PLCXD3: variants seen among roughly 807,000 people sequenced by gnomAD.
The protein encoded by PLCXD3 is PI-PLC X domain-containing protein 3.
Under a neutral mutation model 25.5 loss-of-function variants are expected in PLCXD3, and 19 were observed. The observed-to-expected ratio is 0.75, with a 90% CI of 0.52 to 1.09. The LOEUF is 1.09. Among genes scored for constraint, PLCXD3 ranks in the 50% least tolerant of loss-of-function variants. PLCXD3 has a pLI of 0.00. For synonymous variants in PLCXD3, 174 were observed against 137.6 expected (o/e 1.26, Z -1.85); for missense variants, 411 against 388.1 (o/e 1.06, Z -0.50).
At chr5:41,460,696 T>C (rs933249621) in intron 1 of PLCXD3, among the ~76,000 whole-genome samples, 3 of 152,030 alleles carry the variant, frequency 2.0e-5, no homozygotes, top group African/African-American at 7.2e-5. Flanking sequence ...TACAACGTCA[T>C]TATGAATTTA....
At chr5:41,473,944 C>T (rs1442774441) in intron 1 of PLCXD3, among the ~76,000 whole-genome samples, 1 of 152,150 alleles carries the variant, frequency 6.6e-6, no homozygotes, top group Non-Finnish European at 1.5e-5. Context: ...AAATTTCAAA[C>T]TAATCTACAA....
Position 41,480,168 on chromosome 5 carries a change from T to G in PLCXD3, c.103+30256A>C, listed in dbSNP as rs1304934704. Reference sequence around the variant, plus strand: ...AATAAAAATGATTTTTGCCCAAATATTAGCCAAGAAAAATGCCCTGAAAGC... The same window carrying G: ...AATAAAAATGATTTTTGCCCAAATAGTAGCCAAGAAAAATGCCCTGAAAGC... On this transcript the variant is annotated intron_variant, in intron 1 of 2. Transcript: ENST00000377801. Among the ~76,000 whole-genome samples the G allele has an allele frequency of 1.3e-5, 2 of 152,150 alleles. 1 individual carries two copies. Among genetic ancestry groups the G allele is most frequent in the South Asian group, 4.1e-4 (2 of 4,824 alleles).
intron 1 of PLCXD3, among the ~76,000 whole-genome samples, chr5:41,400,474 G>T (rs1013598180): frequency 1.3e-5 from 2 of 151,990 alleles, no homozygotes; most frequent in Non-Finnish European, 2.9e-5. Context: ...AAGAAAATAT[G>T]GTACATATAC....
intron 1 of PLCXD3, among the ~76,000 whole-genome samples, chr5:41,497,063 AGATACAAGAAAAGAAG>A (rs1355614771): frequency 1.3e-5 from 2 of 151,740 alleles, no homozygotes; most frequent in Non-Finnish European, 3.0e-5. Context: ...AATCTACAGA[AGATACAAGAAAAGAAG>A]AAAAAAAAAT....
rs1213955085 is a variant in PLCXD3 at position 41,382,001 on chromosome 5, G to C, written c.637C>G (p.Pro213Ala). ...VPFLWPGQMM[P>A]APWANTTDPE... ...TCTGTGGTGTTGGCCCAGGGTGCTGGCATCATCTGCCCAGGCCAGAGAAAG... is the reference window on the plus strand; with the variant it reads ...TCTGTGGTGTTGGCCCAGGGTGCTGCCATCATCTGCCCAGGCCAGAGAAAG... The change falls in exon 2 of 3, where the codon CCA (proline) becomes GCA (alanine). Residue 213 changes from proline to alanine, a missense_variant. Transcript: ENST00000377801. 6.2e-7 allele frequency: 1 copy of C among 1,613,370 alleles called. No individual in the cohort carries two copies. Among genetic ancestry groups the C allele is most frequent in the Non-Finnish European group, 8.5e-7 (1 of 1,179,748 alleles).
intron 2 of PLCXD3, among the ~76,000 whole-genome samples, chr5:41,377,066 T>G (rs1419899704): frequency 6.6e-6 from 1 of 152,108 alleles, no homozygotes; most frequent in Non-Finnish European, 1.5e-5. Context: ...CTAGAACAGA[T>G]TAGGCATTTA....
In PLCXD3 at chr5:41,399,065, A is replaced by G. The variant is rs76079737; in HGVS notation, c.104-16531T>C. ...CATTTCTACATGCCAACAGTGAACAATGGGAAAAGAAATAAAGTAATCCCA... is the reference window on the plus strand; with the variant it reads ...CATTTCTACATGCCAACAGTGAACAGTGGGAAAAGAAATAAAGTAATCCCA... On this transcript the variant is annotated intron_variant, in intron 1 of 2. Coordinates refer to ENST00000377801, the MANE Select transcript of PLCXD3 (RefSeq NM_001005473.3). 3.6e-3 allele frequency among the ~76,000 whole-genome samples: 552 copies of G among 152,322 alleles called. 1 individual carries two copies. The highest frequency in any genetic ancestry group is 0.012 in the African/African-American group (512 of 41,580).
rs547430235 is a variant in PLCXD3 at position 41,339,263 on chromosome 5, C to A, written c.813-25493G>T. Among the ~76,000 whole-genome samples the A allele has an allele frequency of 2.6e-5, 4 of 152,110 alleles. No individual in the cohort carries two copies. The South Asian group carries it at 8.3e-4, about 32-fold the overall frequency. On this transcript the variant is annotated intron_variant, in intron 2 of 2. Coordinates refer to ENST00000377801, the MANE Select transcript of PLCXD3 (RefSeq NM_001005473.3). The stretch of plus-strand genomic sequence containing the variant: ...TGCAAGAAAAGTCCTCAAGAGTGAT[C>A]CAAGGGTAGATAGTGGTCAGAAACT...
intron 1 of PLCXD3, among the ~76,000 whole-genome samples, chr5:41,446,100 A>ATGACG (rs1747490568): frequency 7.0e-6 from 1 of 142,958 alleles, no homozygotes; most frequent in Admixed American, 7.3e-5. Context: ...AGGCAGGAGA[A>ATGACG]TGACGTGAAC....
intron 1 of PLCXD3, among the ~76,000 whole-genome samples, chr5:41,426,913 T>G (rs1215093956): frequency 6.6e-6 from 1 of 152,172 alleles, no homozygotes; most frequent in African/African-American, 2.4e-5. Flanking sequence ...AATTCTAGAA[T>G]GACTATTATT....
intron 1 of PLCXD3, among the ~76,000 whole-genome samples, chr5:41,412,502 T>C (rs1746583094): frequency 6.6e-6 from 1 of 152,176 alleles, no homozygotes; most frequent in African/African-American, 2.4e-5. Flanking sequence ...TTTCTCAGAG[T>C]TGTGTACCTA....
At chr5:41,468,694 G>A (rs902440607) in intron 1 of PLCXD3, among the ~76,000 whole-genome samples, 8 of 151,980 alleles carry the variant, frequency 5.3e-5, no homozygotes, top group African/African-American at 1.9e-4. Context: ...ATATAGAAAT[G>A]CTATTTAGTT....
intron 1 of PLCXD3, among the ~76,000 whole-genome samples, chr5:41,476,220 A>C (rs1310845751): frequency 1.3e-5 from 2 of 152,278 alleles, no homozygotes; most frequent in South Asian, 2.1e-4. Flanking sequence ...ACTTTGGGAG[A>C]GTGGGCAGAA....
chr5:41,445,559 T>A (rs978900534), intron 1 of PLCXD3, among the ~76,000 whole-genome samples: 8 of 152,124 alleles, frequency 5.3e-5, no homozygotes, highest in Non-Finnish European at 1.0e-4. Context: ...ATCAGTGATA[T>A]AAGACTTCCA....
At chr5:41,397,032 A>G (rs1386452994) in intron 1 of PLCXD3, among the ~76,000 whole-genome samples, 2 of 152,236 alleles carry the variant, frequency 1.3e-5, no homozygotes, top group African/African-American at 4.8e-5. Context: ...AAAGTTTGGA[A>G]AATTTGCAGC....
intron 1 of PLCXD3, among the ~76,000 whole-genome samples, chr5:41,399,262 A>G (rs921174901): frequency 6.6e-6 from 1 of 152,228 alleles, no homozygotes. Flanking sequence ...GAAAATACCC[A>G]TATTACCAAA....
intron 2 of PLCXD3, among the ~76,000 whole-genome samples, chr5:41,354,577 T>C (rs1744565460): frequency 6.6e-6 from 1 of 152,166 alleles, no homozygotes; most frequent in Non-Finnish European, 1.5e-5. Flanking sequence ...AGTCATATGG[T>C]ATCTAAATTA....
In PLCXD3 at chr5:41,506,806, T is replaced by A. The variant is rs983543497; in HGVS notation, c.103+3618A>T. 2.0e-5 allele frequency among the ~76,000 whole-genome samples: 3 copies of A among 152,212 alleles called. No homozygotes were observed. In the East Asian group the frequency reaches 5.8e-4, roughly 29 times the overall value. The stretch of plus-strand genomic sequence containing the variant: ...AAATGAACAAAATTCACAGGCACAA[T>A]CATTGATTTATAAAGCGTTTCTGTG... On this transcript the variant is annotated intron_variant, in intron 1 of 2. Transcript: ENST00000377801.
Position 41,407,897 on chromosome 5 carries a change from T to G in PLCXD3, c.104-25363A>C, listed in dbSNP as rs138086645. On this transcript the variant is annotated intron_variant, in intron 1 of 2. Transcript: ENST00000377801. ...CTCAGTACATCTTACAGTGAGCTCA[T>G]GTAAAGAAAGTTGGTTTCCTTATTT... Among the ~76,000 whole-genome samples the G allele has an allele frequency of 3.7e-4, 57 of 152,324 alleles. No individual in the cohort carries two copies. In the East Asian group the frequency reaches 7.3e-3, roughly 20 times the overall value.
Sources: gnomAD v4.1 joint callset for allele counts (sites outside exome capture counted in the v4.1 genomes callset) on GRCh38, gnomAD v4.1.1 for gene constraint, MANE v1.5 for transcripts, NCBI Gene and HGNC (gene_info 2026-07-23, HGNC 2026-07-21) for gene names.